The following GCN1 variants were observed in gnomAD, a reference collection of about 807,000 sequenced individuals.
The protein encoded by GCN1 is GCN1 activator of EIF2AK4, also known as stalled ribosome sensor GCN1.
A neutral mutation model predicts 288.4 loss-of-function variants in GCN1; 90 were observed. That is an observed-to-expected ratio of 0.31 (90% CI 0.26 to 0.37). The LOEUF is 0.37. GCN1 is among the 10% of genes least tolerant of loss of function. GCN1 has a pLI of 1.00. For synonymous variants in GCN1, 1,386 were observed against 1,420.2 expected, an observed-to-expected ratio of 0.98 and a Z score of 0.54; for missense variants, 2,586 against 3,419.9, an observed-to-expected ratio of 0.76 and a Z score of 6.08.
chr12:120,150,146 G>A (rs892551447), intron 34 of GCN1, 103 bp from the exon 35 acceptor site: 1 of 1,162,274 alleles, frequency 8.6e-7, no homozygotes, highest in African/African-American at 1.5e-5. Context: ...CCACCCCTCT[G>A]GAAACACTCA....
At chr12:120,180,218 T>C (rs1878607309) in intron 5 of GCN1, among the ~76,000 whole-genome samples, 1 of 151,744 alleles carries the variant, frequency 6.6e-6, no homozygotes, top group South Asian at 2.1e-4. Flanking sequence ...GGCAGGAGAA[T>C]TGCTTGAACG....
chr12:120,186,848 G>T lies in GCN1; in HGVS notation c.122-1961C>A, dbSNP rs184933210. Reference sequence around the variant, plus strand: ...AGCAAAGAAACAGGCTCAGAGAGGTGAAGTAACTTGAAGCAGGTCACACAG... The same window carrying T: ...AGCAAAGAAACAGGCTCAGAGAGGTTAAGTAACTTGAAGCAGGTCACACAG... On this transcript the variant is annotated intron_variant, in intron 2 of 57. Coordinates refer to ENST00000300648, the MANE Select transcript of GCN1 (RefSeq NM_006836.2). Among the ~76,000 whole-genome samples, 232 of 152,324 alleles carry T rather than the reference G, an allele frequency of 1.5e-3. 3 individuals carry two copies. The highest frequency in any genetic ancestry group is 4.8e-3 in the Admixed American group (74 of 15,296).
intron 36 of GCN1, among the ~76,000 whole-genome samples, chr12:120,148,754 G>C (rs1877440572): frequency 6.6e-6 from 1 of 152,218 alleles, no homozygotes; most frequent in Non-Finnish European, 1.5e-5. Flanking sequence ...GAGGGCCTTA[G>C]ATGGTGATCC....
At position 120,138,814 on chromosome 12, in the gene GCN1, C is replaced by G. The variant is rs1370808805; in HGVS notation, c.6037G>C (p.Ala2013Pro). 3 of 1,613,866 alleles carry G rather than the reference C, an allele frequency of 1.9e-6. No homozygotes were observed. Among genetic ancestry groups the G allele is most frequent in the Non-Finnish European group, 1.7e-6 (2 of 1,179,850 alleles). Residue 2013 changes from alanine to proline, a missense_variant, in exon 46 of 58, where the codon GCT becomes CCT. Around this residue, in one of 8 missense-constraint regions of GCN1, gnomAD observed 437 missense variants for 570.5 expected, o/e 0.77. Transcript: ENST00000300648. ...ACCTCCTCCAGTGGGTCACACAAAGCCTTCCTTGCCGTGGGCACGAGGGAT... is the reference window on the plus strand; with the variant it reads ...ACCTCCTCCAGTGGGTCACACAAAGGCTTCCTTGCCGTGGGCACGAGGGAT... ...SESLVPTARK[A>P]LCDPLEEVRE...
rs1352943269 is a variant in GCN1 at position 120,129,393 on chromosome 12, C to T, written c.7773G>A (p.Lys2591=). The T allele has an allele frequency of 6.2e-7, 1 of 1,613,970 alleles. No individual in the cohort carries two copies. The highest frequency in any genetic ancestry group is 8.5e-7 in the Non-Finnish European group (1 of 1,179,854). ...TGTCAAGAAGAGCCTTCAGGATGGG[C>T]TTGATGGCCTGGGGGTCCAGGGGAG... ...PLPPLDPQAI[K]PILKALLDNT... Residue 2591 remains lysine, a synonymous_variant, in exon 57 of 58, where the codon AAG becomes AAA. Transcript: ENST00000300648.
Position 120,138,402 on chromosome 12 carries a change from ACCT to A in GCN1, c.6167_6169del (p.Glu2056del), listed in dbSNP as rs1877080629. ...CAGACCATCCAAGGCAAACTCTGAC[ACCT>A]CCTCGTCATCCTGCAGAGGGTGTTG... On this transcript the variant is annotated inframe_deletion, in exon 47 of 58. Coordinates refer to ENST00000300648, the MANE Select transcript of GCN1 (RefSeq NM_006836.2). 1.9e-6 allele frequency: 3 copies of A among 1,605,136 alleles called. No individual in the cohort carries two copies. Among genetic ancestry groups the A allele is most frequent in the Non-Finnish European group, 2.6e-6 (3 of 1,171,886 alleles).
intron 2 of GCN1, among the ~76,000 whole-genome samples, chr12:120,186,635 T>C (rs937345173): frequency 2.6e-5 from 4 of 152,178 alleles, no homozygotes; most frequent in Admixed American, 2.6e-4. Flanking sequence ...CCCTGACCAC[T>C]GCATTGGTCC....
At position 120,142,409 on chromosome 12, in the gene GCN1, G is replaced by C; in HGVS notation, c.5829+98C>G. On this transcript the variant is annotated intron_variant, in intron 44 of 57. Transcript: ENST00000300648. This position sits in a 1 kb window ranked among gnomAD's most constrained non-coding sequence, Gnocchi z 4.9. ...ACACAATGTCCCTCTGTTAGGCAGG[G>C]TGGATGGGTACTTTCCCAGGCTCTG... is the stretch of plus-strand genomic sequence containing the variant. 1.3e-6 allele frequency: 1 copy of C among 790,114 alleles called. No homozygotes were observed. The highest frequency in any genetic ancestry group is 1.4e-5 in the South Asian group (1 of 68,968). The allele number at this position is 790,114 out of a possible 1,614,324, so 48.9% of individuals were successfully genotyped here.
At chr12:120,168,484 C>G (rs1206591004) in intron 15 of GCN1, 184 bp from the exon 16 acceptor site, 12 of 539,954 alleles carry the variant, frequency 2.2e-5, no homozygotes, top group Non-Finnish European at 1.3e-5. Flanking sequence ...GTACGAAACT[C>G]TTCGGTGGCT....
chr12:120,151,873 C>A (rs1877565366), intron 33 of GCN1, among the ~76,000 whole-genome samples: 2 of 152,230 alleles, frequency 1.3e-5, no homozygotes, highest in East Asian at 3.8e-4. Context: ...CCAGCCGCAG[C>A]TCACTAAGCC....
intron 54 of GCN1, 113 bp from the exon 55 acceptor site, chr12:120,131,446 G>C (rs770264445): frequency 1.4e-5 from 14 of 1,019,768 alleles, no homozygotes; most frequent in African/African-American, 4.8e-5. Context: ...CAGAGCACAA[G>C]GAAAACTCCA....
intron 53 of GCN1, among the ~76,000 whole-genome samples, chr12:120,132,668 C>T (rs553822630): frequency 2.6e-5 from 4 of 152,332 alleles, no homozygotes; most frequent in South Asian, 2.1e-4. Context: ...CGAGCGGCTC[C>T]GTGCTCCTCC....
intron 14 of GCN1, among the ~76,000 whole-genome samples, chr12:120,173,120 C>T (rs1393883942): frequency 1.3e-5 from 2 of 148,280 alleles, no homozygotes; most frequent in South Asian, 2.1e-4. Flanking sequence ...AGTACAATGG[C>T]GCAATCTCGG....
chr12:120,160,690 C>T (rs1158371296), intron 22 of GCN1, among the ~76,000 whole-genome samples: 4 of 152,214 alleles, frequency 2.6e-5, no homozygotes, highest in Non-Finnish European at 5.9e-5. Flanking sequence ...AGCCACAGAA[C>T]TCACTCACTC....
In GCN1 at chr12:120,153,357, C is replaced by T. The variant is rs754118468; in HGVS notation, c.3918G>A (p.Ala1306=). 4.3e-6 allele frequency: 7 copies of T among 1,614,186 alleles called. No homozygotes were observed. Among genetic ancestry groups the T allele is most frequent in the African/African-American group, 1.3e-5 (1 of 75,058 alleles). Residue 1306 remains alanine (A), a synonymous_variant, in exon 33 of 58, where the codon GCG becomes GCA. Coordinates refer to ENST00000300648, the MANE Select transcript of GCN1 (RefSeq NM_006836.2). This position sits in a 1 kb window ranked among gnomAD's most constrained non-coding sequence, Gnocchi z 4.4. ...LPVFEEFLKN[A]PNDASYDAVR... Reference sequence around the variant, plus strand: ...CAGCATCATAGCTGGCATCATTGGGCGCGTTCTTCAGGAACTCCTCGAATA... The same window carrying T: ...CAGCATCATAGCTGGCATCATTGGGTGCGTTCTTCAGGAACTCCTCGAATA...
At position 120,164,398 on chromosome 12, in the gene GCN1, C is replaced by A. The variant is rs2139118141; in HGVS notation, c.1786G>T (p.Gly596Trp). ...QTVRKLLSSL[G>W]GFKLAHGLLE... ...AGTCCGTGCGCCAGCTTAAAGCCCCCAAGAGAGGACAGCAGCTTCCGAACT... is the reference window on the plus strand; with the variant it reads ...AGTCCGTGCGCCAGCTTAAAGCCCCAAAGAGAGGACAGCAGCTTCCGAACT... The change falls in exon 18 of 58, where the codon GGG (glycine) becomes TGG (tryptophan). Residue 596 changes from glycine (G) to tryptophan (W), a missense_variant. Coordinates refer to ENST00000300648, the MANE Select transcript of GCN1 (RefSeq NM_006836.2). 1.2e-6 allele frequency: 2 copies of A among 1,614,180 alleles called. No homozygotes were observed. Among genetic ancestry groups the A allele is most frequent in the Non-Finnish European group, 1.7e-6 (2 of 1,180,026 alleles).
chr12:120,139,389 G>A (rs1166579725), intron 45 of GCN1, among the ~76,000 whole-genome samples: 1 of 152,122 alleles, frequency 6.6e-6, no homozygotes, highest in Non-Finnish European at 1.5e-5. Flanking sequence ...CACTTTGGGA[G>A]GTGGAGGCAA....
At chr12:120,193,490 A>G (rs1879073234) in intron 1 of GCN1, among the ~76,000 whole-genome samples, 1 of 152,180 alleles carries the variant, frequency 6.6e-6, no homozygotes, top group South Asian at 2.1e-4. Flanking sequence ...TTTTTAGTAG[A>G]GACGGGGTTT....
Position 120,156,610 on chromosome 12 carries a change from G to A in GCN1, c.3169-6C>T. 1 of 1,613,764 alleles carries A rather than the reference G, an allele frequency of 6.2e-7. No homozygotes were observed. The highest frequency in any genetic ancestry group is 8.5e-7 in the Non-Finnish European group (1 of 1,179,826). On this transcript the variant is annotated splice_polypyrimidine_tract_variant and splice_region_variant and intron_variant, in intron 27 of 57. Coordinates refer to ENST00000300648, the MANE Select transcript of GCN1 (RefSeq NM_006836.2). This position sits in a 1 kb window ranked among gnomAD's most constrained non-coding sequence, Gnocchi z 5.8. Reference sequence around the variant, plus strand: ...AGGGTGTCTGAAGCCAGAACCTAAGGAGAACATCAATCCACTGGTTCAGTC... The same window carrying A: ...AGGGTGTCTGAAGCCAGAACCTAAGAAGAACATCAATCCACTGGTTCAGTC...
Sources: allele counts gnomAD v4.1 joint callset (sites outside exome capture counted in the v4.1 genomes callset), GRCh38; gene constraint gnomAD v4.1.1; regional missense constraint gnomAD v4.1.1; non-coding constraint Gnocchi (gnomAD v3.1); transcripts MANE v1.5; gene names NCBI Gene and HGNC (gene_info 2026-07-23, HGNC 2026-07-21).